The following SETDB1 variants were observed in gnomAD, a reference collection of about 807,000 sequenced individuals.
SETDB1 encodes the protein SET domain bifurcated histone lysine methyltransferase 1.
Under a neutral mutation model 137.4 loss-of-function variants are expected in SETDB1, and 31 were observed. That is an observed-to-expected ratio of 0.23 (90% CI 0.17 to 0.30). The LOEUF is 0.30. Ranked by LOEUF, SETDB1 falls within the 10% of genes least tolerant of loss-of-function variation. The probability of loss-of-function intolerance (pLI) is 1.00; values close to 1 mark genes in which losing one functional copy is unlikely to be tolerated. For missense variants in SETDB1, 1,113 were observed against 1,631.5 expected, an observed-to-expected ratio of 0.68 and a Z score of 5.47; for synonymous variants, 548 against 579.9, an observed-to-expected ratio of 0.95 and a Z score of 0.79.
chr1:150,958,295 A>G (rs1339998467), intron 14 of SETDB1, among the ~76,000 whole-genome samples: 4 of 119,968 alleles, frequency 3.3e-5, no homozygotes, highest in Admixed American at 1.2e-4. Context: ...CCTGTCGCCC[A>G]GATTGGAGTG....
At chr1:150,944,104 G>A in intron 8 of SETDB1, 111 bp downstream of exon 8, 1 of 799,878 alleles carries the variant, frequency 1.3e-6, no homozygotes, top group African/African-American at 1.7e-5. Context: ...GTCTCAAAGA[G>A]CATAAGTTTG....
chr1:150,934,210 C>T (rs587624332), intron 3 of SETDB1, among the ~76,000 whole-genome samples: 115 of 152,208 alleles, frequency 7.6e-4, no homozygotes, highest in African/African-American at 2.7e-3. Flanking sequence ...CGGTGGCTGA[C>T]GCCTGTAATC....
intron 14 of SETDB1, among the ~76,000 whole-genome samples, chr1:150,954,805 A>G (rs1391212184): frequency 6.6e-6 from 1 of 152,200 alleles, no homozygotes; most frequent in Non-Finnish European, 1.5e-5. Flanking sequence ...ATTTTTTTAG[A>G]CATGCAGTAC....
chr1:150,928,049 T>C, intron 2 of SETDB1, 75 bp downstream of exon 2: 1 of 1,489,058 alleles, frequency 6.7e-7, no homozygotes. Context: ...TTCATGACAT[T>C]GAACCAAGCA....
chr1:150,926,475 G>C lies in SETDB1; in HGVS notation c.-54G>C. 3.1e-6 allele frequency: 1 copy of C among 323,912 alleles called. No individual in the cohort carries two copies. Among genetic ancestry groups the C allele is most frequent in the South Asian group, 2.5e-5 (1 of 39,514 alleles). The allele number at this position is 323,912 out of a possible 1,614,324, so 20.1% of individuals were successfully genotyped here. A position where few individuals can be genotyped will look rare whatever the true frequency, so the allele number is the denominator to read the frequency against. The stretch of plus-strand genomic sequence containing the variant: ...CCGACCCCTGAGTTGTGAGTCTGGG[G>C]TCTGGTTGGTGAAAAAGAGCCCTTG... On this transcript the variant is annotated 5_prime_UTR_variant, in exon 1 of 22. Transcript: ENST00000692827.
Position 150,942,524 on chromosome 1 carries a change from A to G in SETDB1, c.548-39A>G, listed in dbSNP as rs777668343. On this transcript the variant is annotated intron_variant, in intron 5 of 21. Coordinates refer to ENST00000692827, the MANE Select transcript of SETDB1 (RefSeq NM_001366418.1). ...TACCTTCCCGTTCTCTACCGAATCTATGTCATAACTCTTGAGAATAACTTT... is the reference window on the plus strand; with the variant it reads ...TACCTTCCCGTTCTCTACCGAATCTGTGTCATAACTCTTGAGAATAACTTT... 1.3e-5 allele frequency: 21 copies of G among 1,580,352 alleles called. 1 individual carries two copies. Among genetic ancestry groups the G allele is most frequent in the Admixed American group, 3.6e-5 (2 of 54,838 alleles).
In SETDB1 at chr1:150,962,702, G is replaced by A. The variant is rs778053339; in HGVS notation, c.3277G>A (p.Ala1093Thr). ...MHQSRRLMAS[A>T]QSNPDDVLTL... ...TCAAAGCCGAAGACTCATGGCTTCT[G>A]CTCAGTCCAACCCTGATGTAAGTCA... is the stretch of plus-strand genomic sequence containing the variant. The change falls in exon 18 of 22, where the codon GCT (alanine) becomes ACT (threonine). Residue 1093 changes from alanine to threonine, a missense_variant. By Grantham distance (58) the Ala-to-Thr change is moderately conservative. This residue lies in a region of SETDB1 where 373 missense variants were observed against 412.7 expected (regional missense o/e 0.90). Coordinates refer to ENST00000692827, the MANE Select transcript of SETDB1 (RefSeq NM_001366418.1). 1 of 1,614,130 alleles carries A rather than the reference G, an allele frequency of 6.2e-7. No homozygotes were observed. The highest frequency in any genetic ancestry group is 1.7e-5 in the Admixed American group (1 of 60,020).
At chr1:150,943,116 C>T in intron 7 of SETDB1, 63 bp downstream of exon 7, 1 of 1,171,834 alleles carries the variant, frequency 8.5e-7, no homozygotes, top group Non-Finnish European at 1.3e-6. Context: ...CCTGTTCGTG[C>T]CATAGACCAG....
chr1:150,926,751 G>A (rs373966184), intron 1 of SETDB1: 5 of 533,248 alleles, frequency 9.4e-6, no homozygotes, highest in African/African-American at 7.7e-5. Context: ...TTCTTTAACC[G>A]TTTGATTAAA....
At chr1:150,929,849 A>G in intron 2 of SETDB1, 118 bp from the exon 3 acceptor site, 1 of 767,266 alleles carries the variant, frequency 1.3e-6, no homozygotes, top group Non-Finnish European at 2.1e-6. Context: ...ACACTTTGGA[A>G]TGTGGCCCAT....
At chr1:150,944,828 T>G in intron 8 of SETDB1, 90 bp from the exon 9 acceptor site, 1 of 1,437,664 alleles carries the variant, frequency 7.0e-7, no homozygotes, top group Admixed American at 2.3e-5. Context: ...CTTTTCAACT[T>G]AAAAAGTATC....
At chr1:150,947,528 T>A (rs145519145) in intron 10 of SETDB1, among the ~76,000 whole-genome samples, 2 of 152,054 alleles carry the variant, frequency 1.3e-5, no homozygotes, top group African/African-American at 4.8e-5. Context: ...CCCAACACTT[T>A]AGGAAGCTGA....
chr1:150,938,686 T>TAG (rs1243634023), intron 3 of SETDB1, among the ~76,000 whole-genome samples: 1 of 151,794 alleles, frequency 6.6e-6, no homozygotes, highest in African/African-American at 2.4e-5. Context: ...GTATTTTTAG[T>TAG]AGAGATGGGG....
intron 3 of SETDB1, among the ~76,000 whole-genome samples, chr1:150,931,112 T>C (rs1385931761): frequency 1.3e-5 from 2 of 151,102 alleles, no homozygotes; most frequent in African/African-American, 4.9e-5. Context: ...ATAAAAAAAT[T>C]AGCCAGGCAT....
chr1:150,941,194 A>G (rs1670138937), intron 4 of SETDB1, 135 bp from the exon 5 acceptor site: 5 of 584,250 alleles, frequency 8.6e-6, no homozygotes, highest in South Asian at 2.1e-5. Context: ...GCTTTGCCAG[A>G]TAAAGTAACC....
intron 14 of SETDB1, among the ~76,000 whole-genome samples, chr1:150,955,021 C>G (rs1269628348): frequency 2.0e-5 from 3 of 152,306 alleles, no homozygotes; most frequent in Middle Eastern, 3.4e-3. Context: ...ATTGGTTTAA[C>G]AGAAAACCTG....
At chr1:150,943,816 C>T (rs1171065369) in intron 7 of SETDB1, 104 bp from the exon 8 acceptor site, 15 of 717,300 alleles carry the variant, frequency 2.1e-5, no homozygotes, top group Middle Eastern at 2.5e-4. Context: ...TGGAGTGCAT[C>T]GTGTTGTGAT....
intron 10 of SETDB1, among the ~76,000 whole-genome samples, chr1:150,947,628 T>C (rs1670368447): frequency 6.6e-6 from 1 of 151,964 alleles, no homozygotes; most frequent in African/African-American, 2.4e-5. Flanking sequence ...ACACAAAAAT[T>C]AGCTGGGTAC....
chr1:150,955,250 C>G (rs1375359997), intron 14 of SETDB1, among the ~76,000 whole-genome samples: 1 of 152,158 alleles, frequency 6.6e-6, no homozygotes, highest in East Asian at 1.9e-4. Context: ...CTTTTTTACA[C>G]GTTTGAAATG....
Sources: allele counts gnomAD v4.1 joint callset (sites outside exome capture counted in the v4.1 genomes callset), GRCh38; gene constraint gnomAD v4.1.1; regional missense constraint gnomAD v4.1.1; transcripts MANE v1.5; gene names NCBI Gene and HGNC (gene_info 2026-07-23, HGNC 2026-07-21).